Variants in LRRC17 observed in about 807,000 individuals in gnomAD.
LRRC17 encodes leucine rich repeat containing 17.
Under a neutral mutation model 41.5 loss-of-function variants are expected in LRRC17, and 33 were observed. The observed-to-expected ratio is 0.80, with a 90% confidence interval of 0.60 to 1.06. The LOEUF (loss-of-function observed/expected upper bound fraction) is 1.06. LRRC17 is among the 50% of genes least tolerant of loss of function. The pLI is 0.00. For missense variants in LRRC17, 491 were observed against 519.3 expected (o/e 0.95, Z 0.53); for synonymous variants, 192 against 197.0 (o/e 0.97, Z 0.21).
intron 3 of LRRC17, chr7:102,942,454 GT>G: frequency 2.4e-6 from 2 of 848,982 alleles, no homozygotes; most frequent in Non-Finnish European, 3.4e-6. Context: ...CTACTAGGGG[GT>G]TTTTACCTCC....
intron 1 of LRRC17, among the ~76,000 whole-genome samples, chr7:102,927,093 CAG>C (rs1405260891): frequency 1.3e-5 from 2 of 152,122 alleles, no homozygotes; most frequent in African/African-American, 2.4e-5. Context: ...GACAGAAAAA[CAG>C]AGGTTTCAAG....
intron 2 of LRRC17, among the ~76,000 whole-genome samples, chr7:102,938,290 C>G (rs981178749): frequency 1.3e-5 from 2 of 152,092 alleles, no homozygotes; most frequent in African/African-American, 4.8e-5. Flanking sequence ...GGTAAATTAC[C>G]CTTAGCTGCC....
chr7:102,935,242 C>CTTTTTTTTTTTTTT (rs71106700), intron 2 of LRRC17, among the ~76,000 whole-genome samples: 16 of 76,418 alleles, frequency 2.1e-4, no homozygotes, highest in African/African-American at 5.2e-4. Flanking sequence ...TTTTTTCTTT[C>CTTTTTTTTTTTTTT]TTTTTTTTTT....
chr7:102,926,314 TAGAC>T lies in LRRC17; in HGVS notation c.-140-7456_-140-7453del, dbSNP rs780182420. 4 of 1,614,038 alleles carry T rather than the reference TAGAC, an allele frequency of 2.5e-6. No homozygotes were observed. The South Asian group carries it at 3.3e-5, about 13-fold the overall frequency. ...ATCGTCCTGTTGGTGATAGTTGTGTTAGACAGATTGAGACACAGGACCCCCGGGC... is the reference window on the plus strand; with the variant it reads ...ATCGTCCTGTTGGTGATAGTTGTGTTAGATTGAGACACAGGACCCCCGGGC... On this transcript the variant is annotated intron_variant, in intron 1 of 3. Coordinates refer to ENST00000339431, the MANE Select transcript of LRRC17 (RefSeq NM_001031692.3).
At chr7:102,916,514 G>C (rs1197396801) in intron 1 of LRRC17, among the ~76,000 whole-genome samples, 1 of 152,150 alleles carries the variant, frequency 6.6e-6, no homozygotes, top group Non-Finnish European at 1.5e-5. Context: ...ATCTTGGGTG[G>C]CCCTGTAGGC....
chr7:102,930,448 G>A (rs1247099209), intron 1 of LRRC17, among the ~76,000 whole-genome samples: 1 of 152,120 alleles, frequency 6.6e-6, no homozygotes, highest in East Asian at 1.9e-4. Context: ...ATCAGTTTAT[G>A]CCTAATGCCT....
rs755416024 is a variant in LRRC17 at position 102,939,605 on chromosome 7, C to T, written c.928+20C>T. The T allele has an allele frequency of 1.9e-6, 3 of 1,589,376 alleles. No homozygotes were observed. The highest frequency in any genetic ancestry group is 1.4e-5 in the African/African-American group (1 of 73,832). On this transcript the variant is annotated intron_variant, in intron 3 of 3. Coordinates refer to ENST00000339431, the MANE Select transcript of LRRC17 (RefSeq NM_001031692.3). Reference sequence around the variant, plus strand: ...ATCCTGGTAAGTTCCCCTGTATAGCCCCTTCAATGGGTGGCAAGTGTTCTG... The same window carrying T: ...ATCCTGGTAAGTTCCCCTGTATAGCTCCTTCAATGGGTGGCAAGTGTTCTG...
At chr7:102,920,171 G>A (rs1295004378) in intron 1 of LRRC17, among the ~76,000 whole-genome samples, 2 of 152,112 alleles carry the variant, frequency 1.3e-5, no homozygotes, top group African/African-American at 2.4e-5. Flanking sequence ...TTAGATAAAT[G>A]CCTGTTAAAG....
chr7:102,917,663 T>C (rs918200752), intron 1 of LRRC17, among the ~76,000 whole-genome samples: 1 of 152,118 alleles, frequency 6.6e-6, no homozygotes, highest in African/African-American at 2.4e-5. Flanking sequence ...GGTTGGAGAA[T>C]GTCAACGAAG....
In LRRC17 at chr7:102,939,578, C is replaced by T. The variant is rs775367068; in HGVS notation, c.921C>T (p.Ile307=). The T allele has an allele frequency of 3.7e-6, 6 of 1,612,664 alleles. No individual in the cohort carries two copies. The African/African-American group carries it at 5.3e-5, about 14-fold the overall frequency. The change falls in exon 3 of 4, where the codon ATC becomes ATT. Residue 307 remains isoleucine (I), a synonymous_variant. Transcript: ENST00000339431. ...TCAGCAGCAATGGCATTGAATTCAT[C>T]GATCCTGGTAAGTTCCCCTGTATAG... ...LNLSSNGIEF[I]DPAAFLGLTH... is the part of the protein sequence containing the mutation.
At chr7:102,927,872 A>AT (rs766572204) in intron 1 of LRRC17, among the ~76,000 whole-genome samples, 4 of 152,244 alleles carry the variant, frequency 2.6e-5, no homozygotes, top group Non-Finnish European at 4.4e-5. Context: ...CACAATGAAA[A>AT]TCTGTCTTTG....
At position 102,934,268 on chromosome 7, in the gene LRRC17, A is replaced by G. The variant is rs3800939; in HGVS notation, c.355A>G (p.Lys119Glu). ...GGATCTGCAGCAGAATGAGATCTCT[A>G]AAATTGAGAGTGAGGCGTTCTTTGG... Reference protein sequence around the residue: ...SLDLQQNEISKIESEAFFGLN... With the variant: ...SLDLQQNEISEIESEAFFGLN... Residue 119 changes from lysine (K) to glutamate (E), a missense_variant, in exon 2 of 4, where the codon AAA becomes GAA. Transcript: ENST00000339431. The G allele has an allele frequency of 0.062, 100,545 of 1,614,146 alleles. 3,739 individuals carry two copies. Among genetic ancestry groups the G allele is most frequent in the East Asian group, 0.14 (6,069 of 44,878 alleles).
Position 102,913,151 on chromosome 7 carries a change from G to A in LRRC17, c.-141+6G>A, listed in dbSNP as rs1210263759. 6 of 1,614,038 alleles carry A rather than the reference G, an allele frequency of 3.7e-6. No individual in the cohort carries two copies. Among genetic ancestry groups the A allele is most frequent in the Admixed American group, 1.7e-5 (1 of 59,996 alleles). On this transcript the variant is annotated splice_donor_region_variant and intron_variant, in intron 1 of 3. Transcript: ENST00000339431. ...CATCCATTCCCCAAGTTCAGGTACTGTAAGCCTTTGTCTGTGAACCGTCTG... is the reference window on the plus strand; with the variant it reads ...CATCCATTCCCCAAGTTCAGGTACTATAAGCCTTTGTCTGTGAACCGTCTG...
chr7:102,931,874 T>C (rs1418352696), intron 1 of LRRC17: 8 of 1,613,328 alleles, frequency 5.0e-6, no homozygotes, highest in Non-Finnish European at 6.8e-6. Context: ...TGGTTGCTTA[T>C]ACTCACTGTG....
chr7:102,941,348 C>A (rs1821383476), intron 3 of LRRC17, among the ~76,000 whole-genome samples: 1 of 152,102 alleles, frequency 6.6e-6, no homozygotes. Context: ...CCCTTTCTTG[C>A]AAGAAAAACT....
At chr7:102,917,725 T>C (rs536863804) in intron 1 of LRRC17, among the ~76,000 whole-genome samples, 3 of 152,292 alleles carry the variant, frequency 2.0e-5, no homozygotes, top group African/African-American at 7.2e-5. Flanking sequence ...ATAGGAAGAT[T>C]GTTCCAGGAT....
Position 102,934,185 on chromosome 7 carries a change from A to G in LRRC17, c.272A>G (p.Asn91Ser). ...TTGCTGCACATGCTGCTAGCAAGAA[A>G]CAAGATCCGCACATTGAAGAACAAC... The part of the protein sequence containing the change: ...QDLLHMLLAR[N>S]KIRTLKNNMF... Residue 91 changes from asparagine (N) to serine (S), a missense_variant, in exon 2 of 4, where the codon AAC (asparagine) becomes AGC (serine). Coordinates refer to ENST00000339431, the MANE Select transcript of LRRC17 (RefSeq NM_001031692.3). 1 of 1,614,254 alleles carries G rather than the reference A, an allele frequency of 6.2e-7. No individual in the cohort carries two copies. Among genetic ancestry groups the G allele is most frequent in the Non-Finnish European group, 8.5e-7 (1 of 1,180,038 alleles).
chr7:102,934,757 A>G (rs916347727), intron 2 of LRRC17, 72 bp downstream of exon 2: 3 of 1,275,600 alleles, frequency 2.4e-6, no homozygotes, highest in Admixed American at 2.4e-5. Context: ...AATCCTCCCT[A>G]CATCCCACCA....
rs536003329 is a variant in LRRC17, at chr7:102,934,601, C to G, written c.688C>G (p.Pro230Ala). The change falls in exon 2 of 4, where the codon CCC becomes GCC. Residue 230 changes from proline (P) to alanine (A), a missense_variant. Physicochemically the swap from Pro to Ala is conservative, Grantham distance 27. Coordinates refer to ENST00000339431, the MANE Select transcript of LRRC17 (RefSeq NM_001031692.3). ...CCCGAAACCCCAAGTGTCAGGGAGA[C>G]CCCCAGTCATCAAGCCTGAGGTGGA... The part of the protein sequence containing the change: ...LDPKPQVSGR[P>A]PVIKPEVDST... 13 of 1,613,764 alleles carry G rather than the reference C, an allele frequency of 8.1e-6. No homozygotes were observed. In the South Asian group the frequency reaches 1.4e-4, roughly 18 times the overall value.
Sources: allele counts gnomAD v4.1 joint callset (sites outside exome capture counted in the v4.1 genomes callset), GRCh38; gene constraint gnomAD v4.1.1; transcripts MANE v1.5; gene names NCBI Gene and HGNC (gene_info 2026-07-23, HGNC 2026-07-21).